The following AMOTL1 variants were observed in gnomAD, a reference collection of about 807,000 sequenced individuals.
AMOTL1 encodes the protein angiomotin-like protein 1.
A neutral mutation model predicts 102.9 loss-of-function variants in AMOTL1; 45 were observed. The ratio of observed to expected loss-of-function variants is 0.44; its 90% confidence interval spans 0.34 to 0.56. The LOEUF (loss-of-function observed/expected upper bound fraction) is 0.56, where lower values mean the gene tolerates loss of function less well. Ranked by LOEUF, AMOTL1 falls within the 20% of genes least tolerant of loss-of-function variation. The pLI, the probability that AMOTL1 is intolerant of heterozygous loss-of-function variation, is 0.01. For missense variants in AMOTL1, 1,114 were observed against 1,225.6 expected, an observed-to-expected ratio of 0.91 and a Z score of 1.36; for synonymous variants, 481 against 484.7, an observed-to-expected ratio of 0.99 and a Z score of 0.10.
intron 1 of AMOTL1, among the ~76,000 whole-genome samples, chr11:94,712,355 G>T (rs189817016): frequency 7.9e-5 from 12 of 152,070 alleles, no homozygotes; most frequent in African/African-American, 2.6e-4. Context: ...CACTCAAGAT[G>T]AATTAAAGAT....
In AMOTL1 at chr11:94,740,937, G is replaced by A; in HGVS notation, c.86-1G>A. On this transcript the variant is annotated splice_acceptor_variant, in intron 2 of 4. Coordinates refer to the AMOTL1 transcript ENST00000299004. LOFTEE classifies it high-confidence loss of function. ...TGTTTTCTGCTTTTCTTCTCCCCCAGACAGTGAGTTTGTGGAAGCCTCGCC... is the reference window on the plus strand; with the variant it reads ...TGTTTTCTGCTTTTCTTCTCCCCCAAACAGTGAGTTTGTGGAAGCCTCGCC... 7.8e-7 allele frequency: 1 copy of A among 1,289,096 alleles called. No homozygotes were observed. 79.9% of individuals were successfully genotyped at this position (1,289,096 alleles called of 1,614,324 possible). A position where few individuals can be genotyped will look rare whatever the true frequency, so the allele number is the denominator to read the frequency against.
chr11:94,859,715 GGT>G lies in AMOTL1; in HGVS notation c.2135+2_2135+3del. On this transcript the variant is annotated splice_donor_variant, in intron 9 of 12. Coordinates refer to ENST00000433060, the MANE Select transcript of AMOTL1 (RefSeq NM_130847.3). LOFTEE classifies it high-confidence loss of function. Reference sequence around the variant, plus strand: ...GCCGCAGCCACTGCAGCAGCTGAGAGGTGAGACCAGTGGAACTCTGGTGGTCA... The same window carrying G: ...GCCGCAGCCACTGCAGCAGCTGAGAGGAGACCAGTGGAACTCTGGTGGTCA... 1 of 1,603,262 alleles carries G rather than the reference GGT, an allele frequency of 6.2e-7. No homozygotes were observed. Among genetic ancestry groups the G allele is most frequent in the Non-Finnish European group, 8.5e-7 (1 of 1,174,082 alleles).
chr11:94,853,822 G>A (rs1952599071), intron 7 of AMOTL1, 111 bp from the exon 8 acceptor site: 1 of 1,257,046 alleles, frequency 8.0e-7, no homozygotes, highest in South Asian at 1.3e-5. Context: ...GGAGGTACGT[G>A]CACCTGTAGT....
At position 94,839,392 on chromosome 11, in the gene AMOTL1, T is replaced by C. The variant is rs144833836; in HGVS notation, c.1648+7851T>C. 1.2e-3 allele frequency among the ~76,000 whole-genome samples: 182 copies of C among 152,378 alleles called. 1 individual carries two copies. The highest frequency in any genetic ancestry group is 3.4e-3 in the Middle Eastern group (1 of 294). ...AAACCTTTGAGGTAAGTATTGCAGG[T>C]ACTTTACAGATGGAGAAATTGAGGC... On this transcript the variant is annotated intron_variant, in intron 6 of 12. Transcript: ENST00000433060.
rs965234161 is a variant in AMOTL1, at chr11:94,799,031, G to T, written c.200-359G>T. 3.3e-5 allele frequency among the ~76,000 whole-genome samples: 5 copies of T among 151,864 alleles called. No homozygotes were observed. The highest frequency in any genetic ancestry group is 6.6e-5 in the Admixed American group (1 of 15,242). ...GTATATGGGAGGGCCAAGAAAAGGT[G>T]GTTTCTTTTGGTTTGATTTTGGTTT... On this transcript the variant is annotated intron_variant, in intron 2 of 12. Transcript: ENST00000433060. This position sits in a 1 kb window ranked among gnomAD's most constrained non-coding sequence, Gnocchi z 4.5.
At chr11:94,741,500 C>G (rs1460830739) in intron 3 of AMOTL1, among the ~76,000 whole-genome samples, 1 of 152,118 alleles carries the variant, frequency 6.6e-6, no homozygotes, top group Non-Finnish European at 1.5e-5. Flanking sequence ...GAGCTGCTTC[C>G]CTCCCTGATT....
chr11:94,708,759 G>A (rs1949972450), intron 1 of AMOTL1, among the ~76,000 whole-genome samples: 1 of 152,106 alleles, frequency 6.6e-6, no homozygotes. Flanking sequence ...GAAACTTGCA[G>A]TTTACTTAAG....
rs558198404 is a variant in AMOTL1 at position 94,741,488 on chromosome 11, A to G, written c.136+500A>G. On this transcript the variant is annotated intron_variant, in intron 3 of 4. Transcript: ENST00000299004. ...GTGTAATCATTAAACTGTAAGACCT[A>G]GGAGCTGCTTCCCTCCCTGATTTCT... is the stretch of plus-strand genomic sequence containing the variant. Among the ~76,000 whole-genome samples the G allele has an allele frequency of 4.6e-5, 7 of 152,232 alleles. No homozygotes were observed. In the South Asian group the frequency reaches 1.5e-3, roughly 32 times the overall value.
intron 4 of AMOTL1, among the ~76,000 whole-genome samples, chr11:94,826,116 G>A (rs1387116165): frequency 6.6e-6 from 1 of 151,994 alleles, no homozygotes; most frequent in Non-Finnish European, 1.5e-5. Context: ...GAAACCCCAT[G>A]TCTACTAAAA....
intron 8 of AMOTL1, among the ~76,000 whole-genome samples, chr11:94,856,740 C>G (rs1952674697): frequency 6.6e-6 from 1 of 152,206 alleles, no homozygotes; most frequent in Admixed American, 6.5e-5. Context: ...TGTCACAAAG[C>G]TCCTGGTCAT....
intron 6 of AMOTL1, among the ~76,000 whole-genome samples, chr11:94,840,421 G>A (rs1268197835): frequency 6.6e-6 from 1 of 151,518 alleles, no homozygotes; most frequent in Admixed American, 6.6e-5. Flanking sequence ...GAAAGAAGGG[G>A]GAAAAAAAGG....
At chr11:94,848,988 A>G (rs2135706714) in intron 6 of AMOTL1, among the ~76,000 whole-genome samples, 1 of 152,322 alleles carries the variant, frequency 6.6e-6, no homozygotes, top group East Asian at 1.9e-4. Flanking sequence ...TCTATGGTTC[A>G]GTGTGGGTTG....
intron 3 of AMOTL1, among the ~76,000 whole-genome samples, chr11:94,817,075 A>G (rs1207007547): frequency 6.6e-6 from 1 of 152,206 alleles, no homozygotes; most frequent in African/African-American, 2.4e-5. Flanking sequence ...TATGGAAATT[A>G]TATCTTATGG....
chr11:94,710,921 T>C (rs1262451356), intron 1 of AMOTL1, among the ~76,000 whole-genome samples: 1 of 152,176 alleles, frequency 6.6e-6, no homozygotes, highest in Non-Finnish European at 1.5e-5. Context: ...CAGTGCTCAA[T>C]ATATTATAAC....
chr11:94,799,915 G>A lies in AMOTL1; in HGVS notation c.725G>A (p.Gly242Glu). The change falls in exon 3 of 13, where the codon GGA (glycine) becomes GAA (glutamate). Residue 242 changes from glycine (G) to glutamate (E), a missense_variant. Physicochemically the swap from Gly to Glu is moderately conservative, Grantham distance 98 (BLOSUM62 -2). Coordinates refer to ENST00000433060, the MANE Select transcript of AMOTL1 (RefSeq NM_130847.3). This position sits in a 1 kb window ranked among gnomAD's most constrained non-coding sequence, Gnocchi z 4.5. ...CCCACTGTGAACCGTGCCAACAGTG[G>A]ACAGGCGCATAAGGACGAGGCGCTG... is the stretch of plus-strand genomic sequence containing the variant. ...GRPTVNRANS[G>E]QAHKDEALKE... 2.5e-6 allele frequency: 4 copies of A among 1,610,036 alleles called. No homozygotes were observed. The highest frequency in any genetic ancestry group is 1.1e-5 in the South Asian group (1 of 90,142).
intron 1 of AMOTL1, among the ~76,000 whole-genome samples, chr11:94,792,417 T>C (rs1951300417): frequency 6.6e-6 from 1 of 152,216 alleles, no homozygotes; most frequent in Admixed American, 6.5e-5. Context: ...TGTATACATA[T>C]GTAACAAACC....
At chr11:94,707,927 A>G (rs974799917) in intron 1 of AMOTL1, among the ~76,000 whole-genome samples, 18 of 152,186 alleles carry the variant, frequency 1.2e-4, no homozygotes, top group African/African-American at 4.1e-4. Flanking sequence ...GGAATACAGA[A>G]ACCTCACATC....
intron 2 of AMOTL1, among the ~76,000 whole-genome samples, chr11:94,729,559 A>G (rs1191830075): frequency 1.3e-5 from 2 of 152,066 alleles, no homozygotes; most frequent in African/African-American, 4.8e-5. Context: ...AATGATGGAG[A>G]TATTGTTACT....
intron 3 of AMOTL1, among the ~76,000 whole-genome samples, chr11:94,744,147 C>CG (rs1402786130): frequency 6.6e-6 from 1 of 152,194 alleles, no homozygotes; most frequent in Admixed American, 6.5e-5. Context: ...CAGATATCAA[C>CG]GGCAAGTGGT....
Sources: allele counts gnomAD v4.1 joint callset (sites outside exome capture counted in the v4.1 genomes callset), GRCh38; gene constraint gnomAD v4.1.1; non-coding constraint Gnocchi (gnomAD v3.1); transcripts MANE v1.5; gene names NCBI Gene and HGNC (gene_info 2026-07-23, HGNC 2026-07-21).